ASIC2: variants seen among roughly 807,000 people sequenced by gnomAD.
ASIC2 encodes the protein acid sensing ion channel subunit 2.
Under a neutral mutation model 57.3 loss-of-function variants are expected in ASIC2, and 25 were observed. The observed-to-expected ratio is 0.44, with a 90% CI of 0.32 to 0.61. The LOEUF (loss-of-function observed/expected upper bound fraction) is 0.61, where lower values mean the gene tolerates loss of function less well. ASIC2 is among the 20% of genes least tolerant of loss of function. The pLI, the probability that ASIC2 is intolerant of heterozygous loss-of-function variation, is 0.06. For missense variants in ASIC2, 641 were observed against 738.1 expected (o/e 0.87, Z 1.52); for synonymous variants, 319 against 307.5 (o/e 1.04, Z -0.39).
chr17:33,579,527 C>T (rs1021825216), intron 1 of ASIC2, among the ~76,000 whole-genome samples: 1 of 152,106 alleles, frequency 6.6e-6, no homozygotes, highest in Non-Finnish European at 1.5e-5. Context: ...CTGGTGGGTT[C>T]TCGGTCTCCC....
intron 1 of ASIC2, among the ~76,000 whole-genome samples, chr17:33,427,639 G>T (rs1240367573): frequency 1.3e-5 from 2 of 152,144 alleles, no homozygotes; most frequent in East Asian, 3.9e-4. Context: ...TCCCAGGGAG[G>T]CTCACTCTTT....
At chr17:33,493,129 T>C (rs986854829) in intron 1 of ASIC2, among the ~76,000 whole-genome samples, 2 of 152,218 alleles carry the variant, frequency 1.3e-5, no homozygotes, top group African/African-American at 2.4e-5. Context: ...TTGGAAACAC[T>C]TGTGGTCACT....
At chr17:34,014,009 A>C (rs1027839530) in intron 1 of ASIC2, among the ~76,000 whole-genome samples, 2 of 152,164 alleles carry the variant, frequency 1.3e-5, no homozygotes, top group Middle Eastern at 6.3e-3. Context: ...CCAGCACCCC[A>C]GAGGGGAGAG....
intron 1 of ASIC2, among the ~76,000 whole-genome samples, chr17:33,188,760 G>A (rs907314049): frequency 5.3e-5 from 8 of 151,910 alleles, no homozygotes; most frequent in African/African-American, 1.9e-4. Context: ...TACAAATAAT[G>A]ACAGAATTCA....
At position 33,291,334 on chromosome 17, in the gene ASIC2, G is replaced by C. The variant is rs1487869849; in HGVS notation, c.708+74C>G. The C allele has an allele frequency of 2.0e-6, 3 of 1,506,634 alleles. No individual in the cohort carries two copies. The Admixed American group carries it at 6.5e-5, about 32-fold the overall frequency. The allele number at this position is 1,506,634 out of a possible 1,614,324, so 93.3% of individuals were successfully genotyped here. ...AGAGGCCTGGGGACAGCCCCGAGGG[G>C]GCGGAACACCAGGCCTCCTGACTGC... On this transcript the variant is annotated intron_variant, in intron 1 of 9. Coordinates refer to ENST00000225823, the MANE Select transcript of ASIC2 (RefSeq NM_183377.2).
At chr17:33,053,035 C>T (rs557104384) in intron 3 of ASIC2, among the ~76,000 whole-genome samples, 36 of 152,218 alleles carry the variant, frequency 2.4e-4, no homozygotes, top group Admixed American at 1.8e-3. Flanking sequence ...CATGGAGAAC[C>T]GCCCAAATGC....
At chr17:33,107,454 T>C (rs2092239466) in intron 2 of ASIC2, among the ~76,000 whole-genome samples, 1 of 152,206 alleles carries the variant, frequency 6.6e-6, no homozygotes, top group African/African-American at 2.4e-5. Context: ...TTTTTGTTCA[T>C]AAACATGTTA....
At chr17:33,148,368 A>C (rs901726061) in intron 1 of ASIC2, among the ~76,000 whole-genome samples, 4 of 152,206 alleles carry the variant, frequency 2.6e-5, no homozygotes, top group African/African-American at 4.8e-5. Context: ...CAAAGCCAGG[A>C]CTCAATCAAG....
intron 3 of ASIC2, among the ~76,000 whole-genome samples, chr17:33,081,988 G>A (rs2141959037): frequency 6.6e-6 from 1 of 152,336 alleles, no homozygotes; most frequent in East Asian, 1.9e-4. Context: ...AAGGTGTTGT[G>A]TGATGGTAGG....
At chr17:33,024,530 C>A (rs2091851480) in intron 5 of ASIC2, among the ~76,000 whole-genome samples, 1 of 152,178 alleles carries the variant, frequency 6.6e-6, no homozygotes, top group African/African-American at 2.4e-5. Flanking sequence ...CCTTCCTGCC[C>A]TCTCCTCTCT....
At chr17:33,353,438 A>G (rs1374346135) in intron 1 of ASIC2, among the ~76,000 whole-genome samples, 1 of 152,126 alleles carries the variant, frequency 6.6e-6, no homozygotes, top group African/African-American at 2.4e-5. Flanking sequence ...GGTTCAAGCA[A>G]TTCTTCCACC....
At position 33,424,656 on chromosome 17, in the gene ASIC2, G is replaced by A. The variant is rs991555773; in HGVS notation, c.556-312589C>T. Among the ~76,000 whole-genome samples the A allele has an allele frequency of 1.1e-4, 16 of 152,348 alleles. No individual in the cohort carries two copies. In the Middle Eastern group the frequency reaches 0.014, roughly 130 times the overall value. ...AATGAGTGCTGGCAATCCAGAGAAAGTTCTCGGATCAACTTTCATTATTTT... is the reference window on the plus strand; with the variant it reads ...AATGAGTGCTGGCAATCCAGAGAAAATTCTCGGATCAACTTTCATTATTTT... On this transcript the variant is annotated intron_variant, in intron 1 of 9. Transcript: ENST00000359872.
At chr17:33,260,772 G>A (rs1276497516) in intron 1 of ASIC2, among the ~76,000 whole-genome samples, 1 of 152,154 alleles carries the variant, frequency 6.6e-6, no homozygotes, top group African/African-American at 2.4e-5. Flanking sequence ...CTTCCCAGGG[G>A]TGACCTTCTC....
intron 1 of ASIC2, among the ~76,000 whole-genome samples, chr17:33,869,156 C>G (rs773465644): frequency 9.2e-5 from 14 of 152,156 alleles, no homozygotes; most frequent in Non-Finnish European, 1.6e-4. Context: ...CACGAAGTGA[C>G]GCTCACTATC....
intron 1 of ASIC2, among the ~76,000 whole-genome samples, chr17:33,549,322 A>G (rs1915675902): frequency 6.6e-6 from 1 of 152,140 alleles, no homozygotes; most frequent in African/African-American, 2.4e-5. Flanking sequence ...GGAACCCCCT[A>G]CTGGCCCTCA....
intron 1 of ASIC2, among the ~76,000 whole-genome samples, chr17:33,598,847 C>A (rs921481745): frequency 2.0e-5 from 3 of 152,312 alleles, no homozygotes; most frequent in Non-Finnish European, 4.4e-5. Flanking sequence ...TGGAGGACTT[C>A]ATTTCAACAG....
chr17:33,678,732 T>G (rs3115689), intron 1 of ASIC2, among the ~76,000 whole-genome samples: 71,499 of 151,924 alleles, frequency 0.47, 19,459 homozygotes, highest in African/African-American at 0.77. Context: ...CTGTACCAGG[T>G]GCACAGGAGC....
intron 1 of ASIC2, among the ~76,000 whole-genome samples, chr17:33,123,624 T>A (rs1393159149): frequency 6.6e-6 from 1 of 152,128 alleles, no homozygotes; most frequent in Non-Finnish European, 1.5e-5. Flanking sequence ...TTCTGGAACG[T>A]TTCTTGGGCA....
intron 2 of ASIC2, among the ~76,000 whole-genome samples, chr17:33,092,791 G>A (rs997420749): frequency 2.6e-5 from 4 of 152,222 alleles, no homozygotes; most frequent in African/African-American, 9.6e-5. Context: ...CTGAATGGGG[G>A]CTGAGGGCAT....
Sources: allele counts gnomAD v4.1 joint callset (sites outside exome capture counted in the v4.1 genomes callset), GRCh38; gene constraint gnomAD v4.1.1; transcripts MANE v1.5; gene names NCBI Gene and HGNC (gene_info 2026-07-23, HGNC 2026-07-21).